ZMYM2: variants seen among roughly 807,000 people sequenced by gnomAD.
The protein encoded by ZMYM2 is zinc finger MYM-type containing 2.
A neutral mutation model predicts 162.8 loss-of-function variants in ZMYM2; 56 were observed. That is an observed-to-expected ratio of 0.34 (90% CI 0.28 to 0.43). The LOEUF (loss-of-function observed/expected upper bound fraction) is 0.43. Ranked by LOEUF, ZMYM2 falls within the 20% of genes least tolerant of loss-of-function variation. The pLI is 1.00. For missense variants in ZMYM2, 1,275 were observed against 1,621.8 expected (o/e 0.79, Z 3.67); for synonymous variants, 510 against 541.6 (o/e 0.94, Z 0.81).
chr13:19,918,495 CTTTTTT>C, the ZMYM2 span, among the ~76,000 whole-genome samples: 5,961 of 107,470 alleles, frequency 0.055, 418 homozygotes, highest in African/African-American at 0.19. Context: ...TTCTTTCTTT[CTTTTTT>C]TTTTTTTTTT....
Position 20,010,874 on chromosome 13 carries a change from C to T in ZMYM2, c.1512+4288C>T, listed in dbSNP as rs1454977942. 5.3e-5 allele frequency among the ~76,000 whole-genome samples: 8 copies of T among 152,106 alleles called. No individual in the cohort carries two copies. In the East Asian group the frequency reaches 7.7e-4, roughly 15 times the overall value. ...GAGGCTGGTCTCAAACTCCTGACAT[C>T]GTAATCTGCCCGCCTCGGCCTCCCC... On this transcript the variant is annotated intron_variant, in intron 6 of 24. Transcript: ENST00000610343.
intron 11 of ZMYM2, among the ~76,000 whole-genome samples, chr13:20,036,102 A>G (rs1052590143): frequency 4.3e-4 from 65 of 152,326 alleles, no homozygotes; most frequent in African/African-American, 1.5e-3. Context: ...TTCTACTTAC[A>G]TAGCACAGTA....
At chr13:19,881,789 A>AC in the ZMYM2 span, among the ~76,000 whole-genome samples, 1 of 151,880 alleles carries the variant, frequency 6.6e-6, no homozygotes, top group Non-Finnish European at 1.5e-5. Flanking sequence ...GTTCAAGACC[A>AC]CACTGGCCAC....
intron 2 of ZMYM2, among the ~76,000 whole-genome samples, chr13:19,990,464 G>A (rs1949514442): frequency 6.6e-6 from 1 of 152,148 alleles, no homozygotes; most frequent in Non-Finnish European, 1.5e-5. Flanking sequence ...TTTTCTCACA[G>A]CTGAATCTTA....
chr13:20,056,939 T>G (rs890016216), intron 14 of ZMYM2, among the ~76,000 whole-genome samples: 6 of 152,128 alleles, frequency 3.9e-5, no homozygotes, highest in Non-Finnish European at 8.8e-5. Flanking sequence ...GGAGCCACTT[T>G]GGGTAAGAAA....
chr13:19,992,419 T>A (rs1201618690), intron 2 of ZMYM2, among the ~76,000 whole-genome samples: 1 of 150,766 alleles, frequency 6.6e-6, no homozygotes, highest in African/African-American at 2.5e-5. Context: ...ATAAATAAAT[T>A]AGCCAGGTGT....
chr13:19,991,079 C>G (rs1223515404), intron 2 of ZMYM2, among the ~76,000 whole-genome samples: 11 of 59,838 alleles, frequency 1.8e-4, no homozygotes, highest in Non-Finnish European at 6.3e-4. Flanking sequence ...TATGTATTTT[C>G]TGTGTGTGTG....
the ZMYM2 span, among the ~76,000 whole-genome samples, chr13:19,931,728 A>G: frequency 6.6e-6 from 1 of 152,182 alleles, no homozygotes; most frequent in Non-Finnish European, 1.5e-5. Flanking sequence ...GGCTCAAGTG[A>G]TGCTCCCACC....
At chr13:19,869,399 G>A in the ZMYM2 span, among the ~76,000 whole-genome samples, 8 of 152,148 alleles carry the variant, frequency 5.3e-5, no homozygotes, top group East Asian at 1.9e-4. Context: ...ATATTCTGAC[G>A]TTCTTATATT....
rs978454194 is a variant in ZMYM2 at position 20,026,636 on chromosome 13, A to G, written c.1609A>G (p.Thr537Ala). 1.9e-6 allele frequency: 3 copies of G among 1,604,276 alleles called. No homozygotes were observed. Among genetic ancestry groups the G allele is most frequent in the Admixed American group, 3.5e-5 (2 of 56,944 alleles). Residue 537 changes from threonine to alanine, a missense_variant, in exon 8 of 25, where the codon ACT becomes GCT. By Grantham distance (58) the Thr-to-Ala change is moderately conservative (BLOSUM62 0). This residue lies in a region of ZMYM2 where 276 missense variants were observed against 311.8 expected (regional missense o/e 0.89). Transcript: ENST00000610343. ...PEKYGKLTTC[T>A]GCRTQCRFFD... Reference sequence around the variant, plus strand: ...GAAATATGGAAAACTGACAACTTGTACTGGTTGCCGAACACAGTGCAGGTT... The same window carrying G: ...GAAATATGGAAAACTGACAACTTGTGCTGGTTGCCGAACACAGTGCAGGTT...
At chr13:19,905,400 C>T in the ZMYM2 span, among the ~76,000 whole-genome samples, 1 of 152,170 alleles carries the variant, frequency 6.6e-6, no homozygotes, top group African/African-American at 2.4e-5. Context: ...CCAGGTTAGG[C>T]AACGCCTAGA....
At chr13:19,994,264 T>C (rs1446280203) in intron 3 of ZMYM2, among the ~76,000 whole-genome samples, 1 of 152,220 alleles carries the variant, frequency 6.6e-6, no homozygotes, top group Non-Finnish European at 1.5e-5. Flanking sequence ...GTGGATTGCT[T>C]GAGCCCAGGA....
chr13:19,986,528 AAGG>A (rs1374033189), intron 2 of ZMYM2, among the ~76,000 whole-genome samples: 1 of 152,176 alleles, frequency 6.6e-6, no homozygotes, highest in Admixed American at 6.5e-5. Flanking sequence ...AAGATATACT[AAGG>A]AGAAAGTTTC....
At position 20,042,721 on chromosome 13, in the gene ZMYM2, A is replaced by ATT. The variant is rs546046715; in HGVS notation, c.2292+5813_2292+5814dup. On this transcript the variant is annotated intron_variant, in intron 12 of 24. Transcript: ENST00000610343. Reference sequence around the variant, plus strand: ...TTGCTGACCTTTGCTTTTTATTATTATTATTTTTTTTTATTTTTTTGAGAT... The same window carrying ATT: ...TTGCTGACCTTTGCTTTTTATTATTATTTTATTTTTTTTTATTTTTTTGAGAT... Among the ~76,000 whole-genome samples the ATT allele has an allele frequency of 2.6e-3, 384 of 148,080 alleles. 2 individuals carry two copies. The highest frequency in any genetic ancestry group is 9.7e-3 in the African/African-American group (377 of 38,716).
intron 2 of ZMYM2, among the ~76,000 whole-genome samples, chr13:19,982,700 A>G (rs936528098): frequency 1.4e-4 from 21 of 152,264 alleles, no homozygotes; most frequent in South Asian, 1.2e-3. Context: ...TTCCTCTGCA[A>G]ATTGTTATGT....
chr13:19,871,691 G>A, the ZMYM2 span, among the ~76,000 whole-genome samples: 1 of 152,034 alleles, frequency 6.6e-6, no homozygotes, highest in East Asian at 1.9e-4. Context: ...CACATATATG[G>A]CTCTAATTTA....
At chr13:20,035,299 T>C (rs1953583661) in intron 11 of ZMYM2, among the ~76,000 whole-genome samples, 1 of 152,208 alleles carries the variant, frequency 6.6e-6, no homozygotes, top group Non-Finnish European at 1.5e-5. Context: ...TCATTTACAG[T>C]CTTAACATGT....
intron 14 of ZMYM2, among the ~76,000 whole-genome samples, chr13:20,054,417 A>G (rs946354410): frequency 3.9e-5 from 6 of 152,224 alleles, no homozygotes; most frequent in Non-Finnish European, 8.8e-5. Flanking sequence ...TTGCCAGGTT[A>G]TATCACTTCT....
At position 19,979,428 on chromosome 13, in the gene ZMYM2, C is replaced by CTTT. The variant is rs71763618; in HGVS notation, c.-10-13619_-10-13617dup. On this transcript the variant is annotated intron_variant, in intron 2 of 24. Coordinates refer to ENST00000610343, the MANE Select transcript of ZMYM2 (RefSeq NM_197968.4). ...AGCTGTTCACGTGACTTTTTCTGCA[C>CTTT]TTTTTTTTTTTTTTTTTTGCCCAGT... Among the ~76,000 whole-genome samples the CTTT allele has an allele frequency of 9.4e-4, 104 of 110,840 alleles. No individual in the cohort carries two copies. In the Middle Eastern group the frequency reaches 0.015, roughly 16 times the overall value. The allele number at this position is 110,840 out of a possible 152,430, so 72.7% of individuals were successfully genotyped here.
Sources: gnomAD v4.1 joint callset for allele counts (sites outside exome capture counted in the v4.1 genomes callset) on GRCh38, gnomAD v4.1.1 for gene constraint, gnomAD v4.1.1 regional missense constraint, MANE v1.5 for transcripts, NCBI Gene and HGNC (gene_info 2026-07-23, HGNC 2026-07-21) for gene names.